The following ITSN2 variants were observed in gnomAD, a reference collection of about 807,000 sequenced individuals.
ITSN2 encodes intersectin-2.
Under a neutral mutation model 243.7 loss-of-function variants are expected in ITSN2, and 156 were observed. That is an observed-to-expected ratio of 0.64 (90% CI 0.56 to 0.73). The LOEUF (loss-of-function observed/expected upper bound fraction) is 0.73, where lower values mean the gene tolerates loss of function less well. Ranked by LOEUF, ITSN2 falls within the 30% of genes least tolerant of loss-of-function variation. ITSN2 has a pLI of 0.00. For missense variants in ITSN2, 1,801 were observed against 1,996.1 expected (o/e 0.90, Z 1.86); for synonymous variants, 703 against 699.9 (o/e 1.00, Z -0.07).
intron 31 of ITSN2, among the ~76,000 whole-genome samples, chr2:24,217,615 G>A (rs1490342224): frequency 6.6e-6 from 1 of 152,208 alleles, no homozygotes; most frequent in Non-Finnish European, 1.5e-5. Context: ...TGACTCTTCT[G>A]CCCTGCCAGG....
At chr2:24,315,499 C>T (rs1683801029) in intron 2 of ITSN2, among the ~76,000 whole-genome samples, 1 of 152,100 alleles carries the variant, frequency 6.6e-6, no homozygotes, top group African/African-American at 2.4e-5. Context: ...GAAAATATTC[C>T]CACCCTCAAG....
At chr2:24,316,580 C>T (rs1213052445) in intron 2 of ITSN2, among the ~76,000 whole-genome samples, 1 of 152,200 alleles carries the variant, frequency 6.6e-6, no homozygotes. Flanking sequence ...CACGCCCAGA[C>T]AGTTTTTAAA....
At chr2:24,337,335 T>C (rs867390577) in intron 1 of ITSN2, among the ~76,000 whole-genome samples, 1,127 of 108,954 alleles carry the variant, frequency 0.01, 105 homozygotes, top group African/African-American at 0.033. Flanking sequence ...TATATATATA[T>C]ATATATATAT....
chr2:24,299,878 TTTC>T lies in ITSN2; in HGVS notation c.1344+28_1344+30del, dbSNP rs765603801. On this transcript the variant is annotated intron_variant, in intron 12 of 39. Coordinates refer to ENST00000355123, the MANE Select transcript of ITSN2 (RefSeq NM_006277.3). ...ATAGTCACTTATTAAATGTAATGATTTTCTTAAGAAGTAAAAAACTTAAAAATA... is the reference window on the plus strand; with the variant it reads ...ATAGTCACTTATTAAATGTAATGATTTTAAGAAGTAAAAAACTTAAAAATA... 7.2e-6 allele frequency: 11 copies of T among 1,528,324 alleles called. No individual in the cohort carries two copies. In the African/African-American group the frequency reaches 1.4e-4, roughly 19 times the overall value. 94.7% of individuals were successfully genotyped at this position (1,528,324 alleles called of 1,614,324 possible). A position where few individuals can be genotyped will look rare whatever the true frequency, so the allele number is the denominator to read the frequency against.
At chr2:24,251,174 A>G (rs1301239134) in intron 25 of ITSN2, among the ~76,000 whole-genome samples, 2 of 149,822 alleles carry the variant, frequency 1.3e-5, no homozygotes, top group Non-Finnish European at 3.0e-5. Context: ...AAAATACAAA[A>G]ATTAGCCAGG....
In ITSN2 at chr2:24,337,263, G is replaced by A. The variant is rs1179532484; in HGVS notation, c.-33-9148C>T. Among the ~76,000 whole-genome samples, 6 of 88,942 alleles carry A rather than the reference G, an allele frequency of 6.7e-5. No homozygotes were observed. The East Asian group carries it at 1.0e-3, about 15-fold the overall frequency. 58.3% of individuals were successfully genotyped at this position (88,942 alleles called of 152,430 possible). ...CATCAATCATCATGTTCCTGCAGGC[G>A]TGTGTGTCTATATGTATGTATGTGT... On this transcript the variant is annotated intron_variant, in intron 1 of 39. Transcript: ENST00000355123.
intron 17 of ITSN2, among the ~76,000 whole-genome samples, chr2:24,280,137 A>G (rs1678577144): frequency 6.6e-6 from 1 of 152,212 alleles, no homozygotes; most frequent in African/African-American, 2.4e-5. Flanking sequence ...AAAATCATTA[A>G]TTCTGTACAT....
At position 24,203,744 on chromosome 2, in the gene ITSN2, C is replaced by A. The variant is rs771763669; in HGVS notation, c.4976G>T (p.Arg1659Leu). The stretch of plus-strand genomic sequence containing the variant: ...AGGGCCTTTGCTTTCCTGTTCTGTT[C>A]GAATTTTTGCCACTGGAATTTCAGT... Reference protein sequence around the residue: ...GRTEIPVAKIRTEQESKGPMT... With the variant: ...GRTEIPVAKILTEQESKGPMT... Residue 1659 changes from arginine to leucine, a missense_variant, in exon 40 of 40, where the codon CGA becomes CTA. Transcript: ENST00000355123. 2 of 1,614,060 alleles carry A rather than the reference C, an allele frequency of 1.2e-6. No homozygotes were observed. Among genetic ancestry groups the A allele is most frequent in the South Asian group, 2.2e-5 (2 of 91,066 alleles).
chr2:24,273,675 G>GC (rs76470059), intron 18 of ITSN2: 28,419 of 152,118 alleles, frequency 0.19, 3,081 homozygotes, highest in Non-Finnish European at 0.25. Flanking sequence ...AGGATGTCAG[G>GC]CCCCTCTACT....
intron 29 of ITSN2, among the ~76,000 whole-genome samples, chr2:24,228,033 T>G (rs2151187341): frequency 6.6e-6 from 1 of 152,280 alleles, no homozygotes; most frequent in Non-Finnish European, 1.5e-5. Flanking sequence ...TTATAATGGC[T>G]GAGACTTTTC....
At position 24,225,489 on chromosome 2, in the gene ITSN2, C is replaced by T. The variant is rs981041039; in HGVS notation, c.3578-4423G>A. Reference sequence around the variant, plus strand: ...CTTCTGAGCTTGCACCCTCCCCTGCCGGCCCACAGCACAGGCGCCTTGGAT... The same window carrying T: ...CTTCTGAGCTTGCACCCTCCCCTGCTGGCCCACAGCACAGGCGCCTTGGAT... On this transcript the variant is annotated intron_variant, in intron 29 of 39. Coordinates refer to ENST00000355123, the MANE Select transcript of ITSN2 (RefSeq NM_006277.3). The surrounding 1 kb of genome is among the most constrained non-coding windows in gnomAD (Gnocchi z 4.2). 6.6e-6 allele frequency among the ~76,000 whole-genome samples: 1 copy of T among 152,188 alleles called. No homozygotes were observed. Among genetic ancestry groups the T allele is most frequent in the African/African-American group, 2.4e-5 (1 of 41,446 alleles).
intron 22 of ITSN2, among the ~76,000 whole-genome samples, chr2:24,259,635 C>A (rs1163006500): frequency 6.6e-6 from 1 of 152,168 alleles, no homozygotes; most frequent in Non-Finnish European, 1.5e-5. Flanking sequence ...TTGTTTCCTG[C>A]AAATATCTTG....
intron 17 of ITSN2, 110 bp from the exon 18 acceptor site, chr2:24,275,959 T>G: frequency 1.3e-6 from 1 of 786,444 alleles, no homozygotes; most frequent in Non-Finnish European, 1.9e-6. Flanking sequence ...CAAGTTGAAC[T>G]AAATTTAAAA....
intron 1 of ITSN2, among the ~76,000 whole-genome samples, chr2:24,355,410 G>C (rs1688357570): frequency 6.6e-6 from 1 of 152,136 alleles, no homozygotes; most frequent in African/African-American, 2.4e-5. Flanking sequence ...GCAGAACAGA[G>C]ACCTCAGAAA....
rs1028815742 is a variant in ITSN2, at chr2:24,290,394, T to C, written c.1723+3294A>G. Among the ~76,000 whole-genome samples, 13 of 152,316 alleles carry C rather than the reference T, an allele frequency of 8.5e-5. No individual in the cohort carries two copies. In the South Asian group the frequency reaches 1.0e-3, roughly 12 times the overall value. On this transcript the variant is annotated intron_variant, in intron 15 of 39. Coordinates refer to ENST00000355123, the MANE Select transcript of ITSN2 (RefSeq NM_006277.3). Reference sequence around the variant, plus strand: ...GCCGTATTTTTCTATTGGGCTGTCTTAATTTTTGATTTGTAGAAGCTCTAA... The same window carrying C: ...GCCGTATTTTTCTATTGGGCTGTCTCAATTTTTGATTTGTAGAAGCTCTAA...
chr2:24,314,517 T>C (rs1019062428), intron 3 of ITSN2, among the ~76,000 whole-genome samples: 1 of 152,228 alleles, frequency 6.6e-6, no homozygotes, highest in Non-Finnish European at 1.5e-5. Flanking sequence ...TACAGGGTTG[T>C]TGTAAAGGTT....
chr2:24,307,939 T>C (rs1682765459), intron 8 of ITSN2, among the ~76,000 whole-genome samples: 1 of 152,222 alleles, frequency 6.6e-6, no homozygotes, highest in Non-Finnish European at 1.5e-5. Flanking sequence ...TATATCTCAT[T>C]CTATGTTCCT....
chr2:24,215,948 G>A, intron 32 of ITSN2, 101 bp downstream of exon 32: 2 of 798,680 alleles, frequency 2.5e-6, no homozygotes, highest in Non-Finnish European at 3.7e-6. Flanking sequence ...AAACTGATGG[G>A]GATGCCCTTC....
intron 15 of ITSN2, among the ~76,000 whole-genome samples, chr2:24,287,893 T>C (rs1218965747): frequency 3.3e-5 from 5 of 152,146 alleles, no homozygotes; most frequent in Non-Finnish European, 5.9e-5. Flanking sequence ...AATTGGGTTG[T>C]TTTTTGGTAT....
Sources: gnomAD v4.1 joint callset for allele counts (sites outside exome capture counted in the v4.1 genomes callset) on GRCh38, gnomAD v4.1.1 for gene constraint, Gnocchi (gnomAD v3.1) non-coding constraint, MANE v1.5 for transcripts, NCBI Gene and HGNC (gene_info 2026-07-23, HGNC 2026-07-21) for gene names.